The following G3BP2 variants were observed in gnomAD, a reference collection of about 807,000 sequenced individuals.
G3BP2 encodes the protein G3BP stress granule assembly factor 2.
In G3BP2, 11 loss-of-function variants were observed where a neutral mutation model predicts 56.7. The observed-to-expected ratio is 0.19, with a 90% CI of 0.12 to 0.32. The LOEUF (loss-of-function observed/expected upper bound fraction) is 0.32, where lower values mean the gene tolerates loss of function less well. Ranked by LOEUF, G3BP2 falls within the 10% of genes least tolerant of loss-of-function variation. The pLI is 1.00. For synonymous variants in G3BP2, 165 were observed against 191.6 expected, an observed-to-expected ratio of 0.86 and a Z score of 1.15; for missense variants, 340 against 610.9, an observed-to-expected ratio of 0.56 and a Z score of 4.67.
At chr4:75,673,550 C>T (rs1166615186), upstream of G3BP2, 22 of 1,232,164 alleles carry the variant, frequency 1.8e-5, no homozygotes, top group South Asian at 5.8e-4. Flanking sequence ...CTGCGGAGCA[C>T]GCGCAGTACG....
At chr4:75,666,704 A>G (rs1348530106) in intron 1 of G3BP2, among the ~76,000 whole-genome samples, 2 of 152,252 alleles carry the variant, frequency 1.3e-5, no homozygotes, top group Admixed American at 1.3e-4. Context: ...AAAGGAAAAA[A>G]GCCAAATTAC....
At chr4:75,693,604 G>A (rs1718967590) in intron 3 of G3BP2, among the ~76,000 whole-genome samples, 1 of 151,886 alleles carries the variant, frequency 6.6e-6, no homozygotes, top group South Asian at 2.1e-4. Flanking sequence ...GCCTGGCCAA[G>A]TTGGTGAAAC....
At chr4:75,650,388 T>C (rs1731584232) in intron 8 of G3BP2, among the ~76,000 whole-genome samples, 1 of 138,922 alleles carries the variant, frequency 7.2e-6, no homozygotes, top group African/African-American at 2.8e-5. Context: ...AGCAGATCAT[T>C]GTACTCCAGC....
rs1733675639 is a variant in G3BP2, at chr4:75,673,405, A to G, written c.-222T>C. 12 of 1,232,220 alleles carry G rather than the reference A, an allele frequency of 9.7e-6. No homozygotes were observed. Among genetic ancestry groups the G allele is most frequent in the Non-Finnish European group, 1.2e-5 (12 of 988,014 alleles). 76.3% of individuals were successfully genotyped at this position (1,232,220 alleles called of 1,614,324 possible). A position where few individuals can be genotyped will look rare whatever the true frequency, so the allele number is the denominator to read the frequency against. On this transcript the variant is annotated 5_prime_UTR_variant, in exon 1 of 12. Transcript: ENST00000359707. ...GGCGCTGCGACGTGCGACAAGGACC[A>G]CGGACGTCCCGCCCCCTTTGCCACC...
At chr4:75,654,997 T>C in intron 7 of G3BP2, 69 bp downstream of exon 7, 1 of 977,730 alleles carries the variant, frequency 1.0e-6, no homozygotes, top group Non-Finnish European at 1.6e-6. Context: ...TAGAAAAAGG[T>C]CATACTTCAT....
chr4:75,690,401 T>C (rs1323888989), intron 3 of G3BP2, among the ~76,000 whole-genome samples: 2 of 148,676 alleles, frequency 1.3e-5, no homozygotes, highest in African/African-American at 5.0e-5. Context: ...TATTGCACTC[T>C]AGCCTGGGCA....
rs561960075 is a variant in G3BP2, at chr4:75,643,091, A to T, written c.*2339T>A. On this transcript the variant is annotated 3_prime_UTR_variant, in exon 12 of 12. Transcript: ENST00000359707. ...TCTGTTTCACTGAAAAGAGGACAAA[A>T]TGTTAAAACTCCACAGTACTGCAGG... 2.4e-4 allele frequency: 37 copies of T among 152,470 alleles called. No individual in the cohort carries two copies. The highest frequency in any genetic ancestry group is 4.6e-4 in the Admixed American group (7 of 15,278). 9.4% of individuals were successfully genotyped at this position (152,470 alleles called of 1,614,324 possible). A position where few individuals can be genotyped will look rare whatever the true frequency, so the allele number is the denominator to read the frequency against.
At chr4:75,689,234 A>G (rs139444052) in intron 3 of G3BP2, among the ~76,000 whole-genome samples, 2,261 of 152,244 alleles carry the variant, frequency 0.015, 57 homozygotes, top group African/African-American at 0.052. Context: ...AAAATTAGCC[A>G]GGCGTGGTGG....
At chr4:75,659,670 C>A (rs1052879761) in intron 2 of G3BP2, among the ~76,000 whole-genome samples, 1 of 152,118 alleles carries the variant, frequency 6.6e-6, no homozygotes, top group Non-Finnish European at 1.5e-5. Flanking sequence ...ATTATGTGTA[C>A]TGATTCACTT....
At chr4:75,718,514 G>A (rs1437709132) in intron 3 of G3BP2, among the ~76,000 whole-genome samples, 2 of 152,204 alleles carry the variant, frequency 1.3e-5, no homozygotes, top group Non-Finnish European at 2.9e-5. Context: ...AGGGGATACA[G>A]TGAGCATGTA....
chr4:75,675,300 C>G (rs535522492), upstream of G3BP2, among the ~76,000 whole-genome samples: 7 of 152,302 alleles, frequency 4.6e-5, no homozygotes, highest in South Asian at 1.5e-3. Context: ...CACCATGTAT[C>G]CTGCAGAGGT....
chr4:75,667,872 A>G (rs1415559167), intron 1 of G3BP2, among the ~76,000 whole-genome samples: 1 of 152,218 alleles, frequency 6.6e-6, no homozygotes, highest in Non-Finnish European at 1.5e-5. Context: ...CTGGGCAACA[A>G]GAGCGAAACT....
Position 75,643,833 on chromosome 4 carries a change from A to G in G3BP2, c.*1597T>C, listed in dbSNP as rs1464316936. The G allele has an allele frequency of 6.6e-6, 1 of 152,664 alleles. No individual in the cohort carries two copies. The highest frequency in any genetic ancestry group is 1.5e-5 in the Non-Finnish European group (1 of 68,042). The allele number at this position is 152,664 out of a possible 1,614,324, so 9.5% of individuals were successfully genotyped here. A position where few individuals can be genotyped will look rare whatever the true frequency, so the allele number is the denominator to read the frequency against. ...CCTGCCTGAAACATCAGAAACTGGT[A>G]TGTACTGACTGCTCCAAGCATAAAA... On this transcript the variant is annotated 3_prime_UTR_variant, in exon 12 of 12. Transcript: ENST00000359707.
At chr4:75,701,976 C>T (rs1281393023) in intron 3 of G3BP2, among the ~76,000 whole-genome samples, 1 of 152,092 alleles carries the variant, frequency 6.6e-6, no homozygotes, top group Non-Finnish European at 1.5e-5. Flanking sequence ...CAATTGTTAT[C>T]AGTTCCCTCC....
At chr4:75,673,541 T>C, upstream of G3BP2, 1 of 1,232,064 alleles carries the variant, frequency 8.1e-7, no homozygotes, top group East Asian at 3.2e-5. Context: ...CGTGTCCCTC[T>C]GCGGAGCACG....
In G3BP2 at chr4:75,643,632, A is replaced by C. The variant is rs756922720; in HGVS notation, c.*1798T>G. ...AGATTTTACTCATATTGCCCAGTAC[A>C]TGAAAAACAAAATACATGCATCATT... On this transcript the variant is annotated 3_prime_UTR_variant, in exon 12 of 12. Coordinates refer to ENST00000359707, the MANE Select transcript of G3BP2 (RefSeq NM_203505.3). 2 of 152,598 alleles carry C rather than the reference A, an allele frequency of 1.3e-5. No homozygotes were observed. Among genetic ancestry groups the C allele is most frequent in the Non-Finnish European group, 2.9e-5 (2 of 68,014 alleles). 9.5% of individuals were successfully genotyped at this position (152,598 alleles called of 1,614,324 possible).
chr4:75,707,175 GAA>G (rs35357713), intron 3 of G3BP2, among the ~76,000 whole-genome samples: 21,953 of 103,426 alleles, frequency 0.21, 1,723 homozygotes, highest in South Asian at 0.36. Flanking sequence ...ACTCCGTCTT[GAA>G]AAAAAAAAAA....
intron 3 of G3BP2, among the ~76,000 whole-genome samples, chr4:75,713,466 A>G (rs1719826345): frequency 6.6e-6 from 1 of 152,226 alleles, no homozygotes; most frequent in Admixed American, 6.5e-5. Context: ...ACCGGTAGAC[A>G]GTACTTTAAA....
chr4:75,705,088 G>A (rs1719495275), intron 3 of G3BP2, among the ~76,000 whole-genome samples: 1 of 152,010 alleles, frequency 6.6e-6, no homozygotes, highest in Admixed American at 6.6e-5. Context: ...TGTATTTTAT[G>A]TGTGACCCAG....
Sources: gnomAD v4.1 joint callset for allele counts (sites outside exome capture counted in the v4.1 genomes callset) on GRCh38, gnomAD v4.1.1 for gene constraint, MANE v1.5 for transcripts, NCBI Gene and HGNC (gene_info 2026-07-23, HGNC 2026-07-21) for gene names.